TRPM7: variants seen among roughly 807,000 people sequenced by gnomAD.
TRPM7 encodes the protein transient receptor potential cation channel subfamily M member 7.
A neutral mutation model predicts 229.7 loss-of-function variants in TRPM7; 134 were observed. The observed-to-expected ratio is 0.58, with a 90% CI of 0.51 to 0.67. The LOEUF is 0.67. Ranked by LOEUF, TRPM7 falls within the 30% of genes least tolerant of loss-of-function variation. The probability of loss-of-function intolerance (pLI) is 0.00; values close to 1 mark genes in which losing one functional copy is unlikely to be tolerated. For missense variants in TRPM7, 1,901 were observed against 2,210.0 expected (o/e 0.86, Z 2.80); for synonymous variants, 699 against 715.2 (o/e 0.98, Z 0.36).
chr15:50,559,516 CA>C lies in TRPM7; in HGVS notation c.*2161del, dbSNP rs1175204933. ...CCAAGACAAACAAAACAAAACAAAA[CA>C]AAACAAAACAAAACAAAAACAGTAT... is the stretch of plus-strand genomic sequence containing the variant. On this transcript the variant is annotated 3_prime_UTR_variant, in exon 39 of 39. Transcript: ENST00000646667. The C allele has an allele frequency of 6.6e-6, 1 of 151,654 alleles. No individual in the cohort carries two copies. Among genetic ancestry groups the C allele is most frequent in the African/African-American group, 2.4e-5 (1 of 41,240 alleles). 9.4% of individuals were successfully genotyped at this position (151,654 alleles called of 1,614,324 possible). A position where few individuals can be genotyped will look rare whatever the true frequency, so the allele number is the denominator to read the frequency against.
intron 13 of TRPM7, among the ~76,000 whole-genome samples, chr15:50,615,201 A>G (rs1457681397): frequency 6.7e-6 from 1 of 150,132 alleles, no homozygotes; most frequent in East Asian, 2.0e-4. Flanking sequence ...GAGACAGTGG[A>G]AATGCTAATC....
intron 38 of TRPM7, among the ~76,000 whole-genome samples, chr15:50,567,001 G>GT (rs2053627958): frequency 6.6e-6 from 1 of 151,070 alleles, no homozygotes; most frequent in African/African-American, 2.4e-5. Flanking sequence ...AGATAGTAAG[G>GT]TAACAGCATA....
chr15:50,623,284 C>T (rs971384332), intron 12 of TRPM7, among the ~76,000 whole-genome samples: 4 of 151,874 alleles, frequency 2.6e-5, no homozygotes, highest in African/African-American at 7.3e-5. Flanking sequence ...CAGTGGCACA[C>T]GCCTGTAGTC....
rs1039154211 is a variant in TRPM7 at position 50,596,350 on chromosome 15, G to C, written c.3195C>G (p.Ile1065Met). The change falls in exon 23 of 39, where the codon ATC (isoleucine) becomes ATG (methionine). Residue 1065 changes from isoleucine to methionine, a missense_variant. Ile to Met is a conservative substitution (Grantham distance 10). Around this residue, in one of 8 missense-constraint regions of TRPM7, gnomAD observed 89 missense variants for 178.2 expected, o/e 0.50. Transcript: ENST00000646667. ...GAGTCAACCACGTCCCAGGACCACA[G>C]ATTTGAGGGATAACAGAATCATTTG... ...VCANDSVIPQICGPGTWLTPF... is the reference protein window; with the variant it reads ...VCANDSVIPQMCGPGTWLTPF... 1 of 1,606,160 alleles carries C rather than the reference G, an allele frequency of 6.2e-7. No individual in the cohort carries two copies. Among genetic ancestry groups the C allele is most frequent in the African/African-American group, 1.3e-5 (1 of 74,438 alleles).
intron 12 of TRPM7, among the ~76,000 whole-genome samples, chr15:50,622,012 AAG>A (rs1248155365): frequency 3.9e-5 from 4 of 103,334 alleles, no homozygotes; most frequent in East Asian, 1.3e-3. Context: ...CCTGGATGAC[AAG>A]AGCAAAACTG....
At chr15:50,649,332 A>G (rs1037964988) in intron 3 of TRPM7, among the ~76,000 whole-genome samples, 7 of 151,988 alleles carry the variant, frequency 4.6e-5, no homozygotes, top group African/African-American at 1.7e-4. Context: ...CCAGCTACAC[A>G]GGAGACTAAG....
At chr15:50,619,882 T>C (rs996191608) in intron 12 of TRPM7, 84 bp from the exon 13 acceptor site, 33 of 1,128,872 alleles carry the variant, frequency 2.9e-5, no homozygotes, top group Middle Eastern at 2.0e-4. Flanking sequence ...AACCTTCTTA[T>C]ACAAATTACA....
At chr15:50,665,907 T>G (rs1180616523) in intron 1 of TRPM7, among the ~76,000 whole-genome samples, 2 of 152,046 alleles carry the variant, frequency 1.3e-5, no homozygotes, top group African/African-American at 4.8e-5. Flanking sequence ...GCAGGAGAAC[T>G]GCTTGAACGT....
intron 15 of TRPM7, among the ~76,000 whole-genome samples, 192 bp downstream of exon 15, chr15:50,613,501 CAAAAAAAAAAAAAA>C (rs67505794): frequency 4.8e-5 from 3 of 62,810 alleles, no homozygotes; most frequent in African/African-American, 1.3e-4. Flanking sequence ...ACTCCTGTCT[CAAAAAAAAAAAAAA>C]AAAAAAAAAG....
intron 21 of TRPM7, among the ~76,000 whole-genome samples, chr15:50,601,699 C>T (rs1379576243): frequency 1.3e-5 from 2 of 151,808 alleles, no homozygotes; most frequent in East Asian, 3.9e-4. Flanking sequence ...ATAATGCATA[C>T]AGAATGAGTG....
chr15:50,624,070 T>C (rs2060493239), intron 12 of TRPM7, 96 bp downstream of exon 12: 9 of 1,248,506 alleles, frequency 7.2e-6, no homozygotes, highest in Non-Finnish European at 9.9e-6. Context: ...AAGGAAGACA[T>C]TAAGGGTTTT....
In TRPM7 at chr15:50,651,882, T is replaced by C. The variant is rs1298675134; in HGVS notation, c.123-2997A>G. Among the ~76,000 whole-genome samples the C allele has an allele frequency of 2.0e-5, 3 of 151,770 alleles. No homozygotes were observed. The East Asian group carries it at 5.8e-4, about 29-fold the overall frequency. Reference sequence around the variant, plus strand: ...CAGCCTGGCGACGGAGCAAGATTCCTTCTCAAAATAAATAAATACAATAAA... The same window carrying C: ...CAGCCTGGCGACGGAGCAAGATTCCCTCTCAAAATAAATAAATACAATAAA... On this transcript the variant is annotated intron_variant, in intron 3 of 38. Transcript: ENST00000646667.
rs1567050050 is a variant in TRPM7, at chr15:50,634,462, AG to A, written c.926del (p.Pro309LeufsTer4). 1.3e-6 allele frequency: 2 copies of A among 1,586,414 alleles called. No individual in the cohort carries two copies. Among genetic ancestry groups the A allele is most frequent in the South Asian group, 1.2e-5 (1 of 86,756 alleles). ...TTCCTTCACACACAACTACTGGAAC[AG>A]GGGGGCTTTCCTGAAGGTATTCAAG... Reference protein sequence around the residue: ...TVLEYLQESPPVPVVVCEGTG... With the variant: ...TVLEYLQESPXVPVVVCEGTG... On this transcript the variant is annotated frameshift_variant, in exon 8 of 39. Transcript: ENST00000646667. LOFTEE classifies it high-confidence loss of function.
chr15:50,640,772 C>G (rs1426582596), intron 5 of TRPM7, among the ~76,000 whole-genome samples: 1 of 152,102 alleles, frequency 6.6e-6, no homozygotes, highest in African/African-American at 2.4e-5. Context: ...CTGAATCTAA[C>G]TGGTGCTCTT....
chr15:50,672,766 C>T (rs2414062), intron 1 of TRPM7, among the ~76,000 whole-genome samples: 5,292 of 151,114 alleles, frequency 0.035, 311 homozygotes, highest in African/African-American at 0.12. Flanking sequence ...AAAAATTAGC[C>T]AAGTGTGGTG....
chr15:50,632,224 C>CAA (rs2060759504), intron 9 of TRPM7, among the ~76,000 whole-genome samples: 1 of 151,410 alleles, frequency 6.6e-6, no homozygotes, highest in Non-Finnish European at 1.5e-5. Flanking sequence ...ACCCGGGAGA[C>CAA]AGAGGTTGCA....
intron 17 of TRPM7, 41 bp downstream of exon 17, chr15:50,611,052 T>C (rs771866352): frequency 2.0e-6 from 3 of 1,473,856 alleles, no homozygotes; most frequent in Non-Finnish European, 2.8e-6. Flanking sequence ...GTTCTTTTTA[T>C]CTAATCACAT....
At chr15:50,580,649 T>C (rs1163465653) in intron 30 of TRPM7, among the ~76,000 whole-genome samples, 1 of 152,112 alleles carries the variant, frequency 6.6e-6, no homozygotes, top group African/African-American at 2.4e-5. Flanking sequence ...CTTAGTAGAG[T>C]TGTAATTATG....
At chr15:50,678,761 G>A (rs2062161370) in intron 1 of TRPM7, among the ~76,000 whole-genome samples, 2 of 152,118 alleles carry the variant, frequency 1.3e-5, no homozygotes, top group African/African-American at 4.8e-5. Context: ...CAGGTGCAGT[G>A]GCTTATGCCT....
Sources: gnomAD v4.1 joint callset for allele counts (sites outside exome capture counted in the v4.1 genomes callset) on GRCh38, gnomAD v4.1.1 for gene constraint, gnomAD v4.1.1 regional missense constraint, MANE v1.5 for transcripts, NCBI Gene and HGNC (gene_info 2026-07-23, HGNC 2026-07-21) for gene names.